The following LRBA variants were observed in gnomAD, a reference collection of about 807,000 sequenced individuals.
LRBA encodes the protein LPS responsive beige-like anchor protein, also known as lipopolysaccharide-responsive and beige-like anchor protein.
Under a neutral mutation model 330.0 loss-of-function variants are expected in LRBA, and 176 were observed. The ratio of observed to expected loss-of-function variants is 0.53; its 90% CI spans 0.47 to 0.60. LRBA has a LOEUF of 0.60. Among genes scored for constraint, LRBA ranks in the 20% least tolerant of loss-of-function variants. The pLI, the probability that LRBA is intolerant of heterozygous loss-of-function variation, is 0.00. For missense variants in LRBA, 3,259 were observed against 3,444.8 expected (o/e 0.95, Z 1.35); for synonymous variants, 1,230 against 1,193.0 (o/e 1.03, Z -0.64).
intron 48 of LRBA, among the ~76,000 whole-genome samples, chr4:150,342,711 G>C (rs556754678): frequency 1.3e-5 from 2 of 152,046 alleles, no homozygotes; most frequent in Non-Finnish European, 2.9e-5. Context: ...TTATAAAATG[G>C]AAACTTTCTC....
At chr4:150,805,649 AAAGG>A (rs1340325240) in intron 33 of LRBA, among the ~76,000 whole-genome samples, 1 of 150,400 alleles carries the variant, frequency 6.6e-6, no homozygotes, top group African/African-American at 2.5e-5. Flanking sequence ...AAAGGAAAGG[AAAGG>A]AAGGGAGAAG....
In LRBA at chr4:150,333,762, G is replaced by T. The variant is rs190744899; in HGVS notation, c.7363-7864C>A. On this transcript the variant is annotated intron_variant, in intron 48 of 56. Transcript: ENST00000651943. The stretch of plus-strand genomic sequence containing the variant: ...GGAGGTATGGTTCAACTTTAGCTTC[G>T]ATATCAGTTAAGTTTAAAAACATAT... 3.7e-4 allele frequency among the ~76,000 whole-genome samples: 57 copies of T among 152,168 alleles called. No homozygotes were observed. The Middle Eastern group carries it at 0.014, about 36-fold the overall frequency.
At chr4:150,804,328 C>T (rs1398347398) in intron 33 of LRBA, among the ~76,000 whole-genome samples, 4 of 152,066 alleles carry the variant, frequency 2.6e-5, no homozygotes, top group African/African-American at 7.2e-5. Context: ...AAAATAATAT[C>T]GCTCATCACC....
intron 44 of LRBA, among the ~76,000 whole-genome samples, chr4:150,464,161 C>T (rs879101148): frequency 2.6e-5 from 4 of 151,942 alleles, no homozygotes; most frequent in Admixed American, 2.6e-4. Flanking sequence ...GCACAAAAAA[C>T]ATCTGAATAA....
At chr4:150,979,938 T>C (rs538082418) in intron 2 of LRBA, among the ~76,000 whole-genome samples, 5 of 152,084 alleles carry the variant, frequency 3.3e-5, no homozygotes, top group East Asian at 1.9e-4. Context: ...TTCCGAAAAA[T>C]AGGGGAGGGA....
At chr4:150,425,901 A>G (rs988282860) in intron 46 of LRBA, among the ~76,000 whole-genome samples, 4 of 152,122 alleles carry the variant, frequency 2.6e-5, no homozygotes, top group African/African-American at 9.6e-5. Context: ...GCTTAGGGAC[A>G]CTGATGGTAA....
intron 34 of LRBA, among the ~76,000 whole-genome samples, chr4:150,771,579 G>A (rs1367380219): frequency 3.9e-5 from 6 of 152,162 alleles, no homozygotes; most frequent in Admixed American, 3.3e-4. Flanking sequence ...TGTCTACTCT[G>A]ATAAGAACAA....
At chr4:150,301,993 G>A (rs1729736409) in intron 53 of LRBA, among the ~76,000 whole-genome samples, 1 of 152,086 alleles carries the variant, frequency 6.6e-6, no homozygotes, top group South Asian at 2.1e-4. Flanking sequence ...TTCTGCAGCT[G>A]TGTGCGATTG....
chr4:150,318,113 C>T (rs1370442005), intron 50 of LRBA, among the ~76,000 whole-genome samples: 1 of 152,068 alleles, frequency 6.6e-6, no homozygotes, highest in Non-Finnish European at 1.5e-5. Context: ...AGAGTTTGAG[C>T]CCAGGTTTTC....
At chr4:150,970,749 C>T (rs1323084406) in intron 2 of LRBA, 1 of 152,036 alleles carries the variant, frequency 6.6e-6, no homozygotes, top group East Asian at 1.9e-4. Flanking sequence ...GATCAGACAA[C>T]ACTGGGTGTG....
chr4:150,515,416 G>T (rs938346353), intron 40 of LRBA, among the ~76,000 whole-genome samples: 1 of 152,032 alleles, frequency 6.6e-6, no homozygotes. Flanking sequence ...GTAAAATAAA[G>T]ACTTTTTACC....
chr4:150,562,461 A>G (rs1768490453), intron 40 of LRBA, among the ~76,000 whole-genome samples: 1 of 152,148 alleles, frequency 6.6e-6, no homozygotes, highest in South Asian at 2.1e-4. Context: ...GTAAGTACAT[A>G]TTCATTTTCT....
rs181928829 is a variant in LRBA, at chr4:150,461,012, C to T, written c.6780+6661G>A. The stretch of plus-strand genomic sequence containing the variant: ...ATAAATGAATGAACAAATGAATAAG[C>T]AGTAACACTGGGGATCCTCTAGTTT... On this transcript the variant is annotated intron_variant, in intron 44 of 56. Coordinates refer to ENST00000651943, the MANE Select transcript of LRBA (RefSeq NM_001364905.1). Among the ~76,000 whole-genome samples the T allele has an allele frequency of 2.0e-5, 3 of 151,880 alleles. No individual in the cohort carries two copies. In the East Asian group the frequency reaches 5.8e-4, roughly 29 times the overall value.
intron 2 of LRBA, among the ~76,000 whole-genome samples, chr4:150,967,457 A>G (rs11099780): frequency 0.7 from 106,864 of 152,196 alleles, 43,399 homozygotes; most frequent in Non-Finnish European, 0.91. Context: ...CCACTTCTAC[A>G]AAACGACATT....
At chr4:150,914,162 C>A in intron 9 of LRBA, 33 bp downstream of exon 9, 4 of 1,550,694 alleles carry the variant, frequency 2.6e-6, no homozygotes, top group South Asian at 1.2e-5. Context: ...GCTGAACTAA[C>A]ATTGGTTAAG....
In LRBA at chr4:150,803,075, A is replaced by AATATAT. The variant is rs34393177; in HGVS notation, c.5518+3190_5518+3195dup. ...CAAAAACAAAAACAAACAAAAAAAA[A>AATATAT]ATATATATACACACACACACACACA... is the stretch of plus-strand genomic sequence containing the variant. On this transcript the variant is annotated intron_variant, in intron 33 of 56. Coordinates refer to ENST00000651943, the MANE Select transcript of LRBA (RefSeq NM_001364905.1). Among the ~76,000 whole-genome samples the AATATAT allele has an allele frequency of 3.8e-5, 5 of 129,884 alleles. 2 individuals carry two copies. The highest frequency in any genetic ancestry group is 1.2e-4 in the African/African-American group (4 of 34,120). 85.2% of individuals were successfully genotyped at this position (129,884 alleles called of 152,430 possible).
chr4:150,466,288 A>C (rs1755446561), intron 44 of LRBA, among the ~76,000 whole-genome samples: 1 of 95,792 alleles, frequency 1.0e-5, no homozygotes, highest in Admixed American at 9.9e-5. Context: ...AAATAAGAGA[A>C]CACACTCTTA....
At chr4:150,638,102 T>C (rs1006385269) in intron 37 of LRBA, among the ~76,000 whole-genome samples, 19 of 151,994 alleles carry the variant, frequency 1.3e-4, no homozygotes, top group African/African-American at 4.3e-4. Context: ...AATTATTTTT[T>C]TTTTTTGCAA....
At chr4:150,533,073 C>T (rs72957869) in intron 40 of LRBA, among the ~76,000 whole-genome samples, 10,187 of 152,132 alleles carry the variant, frequency 0.067, 559 homozygotes, top group East Asian at 0.18. Context: ...ATCTTTCTAC[C>T]ATCCTGAAAA....
Sources: gnomAD v4.1 joint callset for allele counts (sites outside exome capture counted in the v4.1 genomes callset) on GRCh38, gnomAD v4.1.1 for gene constraint, MANE v1.5 for transcripts, NCBI Gene and HGNC (gene_info 2026-07-23, HGNC 2026-07-21) for gene names.